The following SLC1A7 variants were observed in gnomAD, a reference collection of about 807,000 sequenced individuals.
SLC1A7 encodes solute carrier family 1 member 7.
Under a neutral mutation model 47.7 loss-of-function variants are expected in SLC1A7, and 40 were observed. That is an observed-to-expected ratio of 0.84 (90% confidence interval 0.65 to 1.09). The LOEUF is 1.09. Among genes scored for constraint, SLC1A7 ranks in the 50% least tolerant of loss-of-function variants. The probability of loss-of-function intolerance (pLI) is 0.00; values close to 1 mark genes in which losing one functional copy is unlikely to be tolerated. For synonymous variants in SLC1A7, 323 were observed against 325.6 expected (o/e 0.99, Z 0.09); for missense variants, 746 against 769.5 (o/e 0.97, Z 0.36).
Position 53,089,792 on chromosome 1 carries a change from C to G in SLC1A7, c.1361+8G>C, listed in dbSNP as rs1557664851. 1 of 1,613,698 alleles carries G rather than the reference C, an allele frequency of 6.2e-7. No individual in the cohort carries two copies. The highest frequency in any genetic ancestry group is 2.2e-5 in the East Asian group (1 of 44,880). On this transcript the variant is annotated splice_region_variant and intron_variant, in intron 9 of 10. Transcript: ENST00000371494. ...AGAGGGCTAGAGCTAGAGGCAAAGT[C>G]CACTCACAGAGCCCAGTCAACGGCA...
At chr1:53,090,917 C>T in intron 7 of SLC1A7, 111 bp from the exon 8 acceptor site, 3 of 1,545,516 alleles carry the variant, frequency 1.9e-6, no homozygotes, top group Non-Finnish European at 2.6e-6. Flanking sequence ...AGTGTTTGTG[C>T]CTCTGCAGCG....
chr1:53,104,544 G>T (rs961028782), intron 4 of SLC1A7, among the ~76,000 whole-genome samples: 2 of 152,234 alleles, frequency 1.3e-5, no homozygotes, highest in African/African-American at 2.4e-5. Context: ...GAGAGTTACA[G>T]AGTAGAGCAA....
chr1:53,100,385 C>T (rs1207837812), intron 5 of SLC1A7, among the ~76,000 whole-genome samples: 1 of 151,758 alleles, frequency 6.6e-6, no homozygotes, highest in Non-Finnish European at 1.5e-5. Context: ...CACCTCGGTA[C>T]ACTCACACAC....
chr1:53,110,741 C>T (rs1386856814), intron 3 of SLC1A7, among the ~76,000 whole-genome samples: 3 of 152,126 alleles, frequency 2.0e-5, no homozygotes, highest in Admixed American at 6.5e-5. Context: ...CCTCTTTCCT[C>T]GTCTTTAGGA....
At position 53,088,106 on chromosome 1, in the gene SLC1A7, TG is replaced by T; in HGVS notation, c.1585del (p.His529ThrfsTer18). On this transcript the variant is annotated frameshift_variant, in exon 11 of 11. Transcript: ENST00000371494. LOFTEE classifies it high-confidence loss of function. ...CTGCTCCACTTGAACGGGGACGTGGTGGGGGCAGGTGGGGCCCAGGGTGAGC... is the reference window on the plus strand; with the variant it reads ...CTGCTCCACTTGAACGGGGACGTGGTGGGGCAGGTGGGGCCCAGGGTGAGC... ...SELTLGPTCPHHVPVQVEQDE... is the reference protein window; with the variant it reads ...SELTLGPTCPXHVPVQVEQDE... 6.2e-7 allele frequency: 1 copy of T among 1,611,982 alleles called. No individual in the cohort carries two copies. The highest frequency in any genetic ancestry group is 1.1e-5 in the South Asian group (1 of 90,662).
chr1:53,137,304 T>A (rs1293339956), intron 1 of SLC1A7, among the ~76,000 whole-genome samples: 1 of 66,762 alleles, frequency 1.5e-5, no homozygotes, highest in South Asian at 3.5e-4. Context: ...AAAAAAGTGC[T>A]CTACTGATAA....
intron 5 of SLC1A7, among the ~76,000 whole-genome samples, chr1:53,095,440 TCA>T (rs1421025202): frequency 1.3e-5 from 2 of 149,638 alleles, no homozygotes; most frequent in Non-Finnish European, 3.0e-5. Context: ...CTTGGTACAC[TCA>T]CACACCCCGC....
intron 9 of SLC1A7, 29 bp downstream of exon 9, chr1:53,089,771 G>A (rs1644398983): frequency 6.2e-7 from 1 of 1,611,956 alleles, no homozygotes; most frequent in Non-Finnish European, 8.5e-7. Flanking sequence ...CCTCCCAGAG[G>A]GCTAGAGCTA....
intron 4 of SLC1A7, among the ~76,000 whole-genome samples, chr1:53,104,415 T>C (rs1644616825): frequency 6.6e-6 from 1 of 152,202 alleles, no homozygotes; most frequent in African/African-American, 2.4e-5. Flanking sequence ...CTGACATGAT[T>C]TCTGCCTTGC....
intron 7 of SLC1A7, 25 bp from the exon 8 acceptor site, chr1:53,090,831 G>T (rs377604214): frequency 6.3e-6 from 10 of 1,588,686 alleles, no homozygotes; most frequent in Non-Finnish European, 7.7e-6. Flanking sequence ...GCCGGTGTCT[G>T]CCCAGCACCC....
intron 2 of SLC1A7, among the ~76,000 whole-genome samples, chr1:53,132,739 G>T (rs557132942): frequency 4.9e-3 from 193 of 39,028 alleles, no homozygotes; most frequent in African/African-American, 9.6e-3. Context: ...CCAGCTACTT[G>T]GGGGGCTGAG....
At chr1:53,120,105 C>A (rs1357200411) in intron 2 of SLC1A7, among the ~76,000 whole-genome samples, 1 of 152,122 alleles carries the variant, frequency 6.6e-6, no homozygotes, top group Non-Finnish European at 1.5e-5. Context: ...GTGGGAAGGC[C>A]CAGCCTGTCT....
intron 2 of SLC1A7, among the ~76,000 whole-genome samples, chr1:53,132,513 A>C (rs1320012326): frequency 6.6e-6 from 1 of 152,106 alleles, no homozygotes; most frequent in African/African-American, 2.4e-5. Flanking sequence ...CAGGAAAAGG[A>C]GGCAGTTTTC....
chr1:53,118,278 C>T (rs140328101), intron 2 of SLC1A7: 2 of 152,300 alleles, frequency 1.3e-5, no homozygotes, highest in East Asian at 1.9e-4. Flanking sequence ...GAGACCAGGT[C>T]GCGTGGACGG....
rs188684918 is a variant in SLC1A7 at position 53,142,276 on chromosome 1, C to T, written c.135+39G>A. ...CCAGATCCCTCAGGCCCACACGCCC[C>T]TCCTGGACAGGGGTCCCGAGATGCT... On this transcript the variant is annotated intron_variant, in intron 1 of 10. Coordinates refer to ENST00000371494, the MANE Select transcript of SLC1A7 (RefSeq NM_006671.6). 77 of 1,545,452 alleles carry T rather than the reference C, an allele frequency of 5.0e-5. No individual in the cohort carries two copies. The Admixed American group carries it at 1.1e-3, about 21-fold the overall frequency.
In SLC1A7 at chr1:53,112,712, T is replaced by C. The variant is rs138561165; in HGVS notation, c.431+2046A>G. 2.8e-3 allele frequency among the ~76,000 whole-genome samples: 426 copies of C among 152,292 alleles called. 3 individuals carry two copies. The highest frequency in any genetic ancestry group is 9.6e-3 in the African/African-American group (401 of 41,558). On this transcript the variant is annotated intron_variant, in intron 3 of 10. Coordinates refer to ENST00000371494, the MANE Select transcript of SLC1A7 (RefSeq NM_006671.6). Reference sequence around the variant, plus strand: ...CCAGCACTTCCAATAGGGATATGTATGCTTCCCATGGGCCAGACATGACCC... The same window carrying C: ...CCAGCACTTCCAATAGGGATATGTACGCTTCCCATGGGCCAGACATGACCC...
chr1:53,126,799 T>C (rs763211136), intron 2 of SLC1A7, among the ~76,000 whole-genome samples: 4 of 152,188 alleles, frequency 2.6e-5, no homozygotes, highest in Non-Finnish European at 5.9e-5. Flanking sequence ...AGTGGCAGAA[T>C]TAGCAATGTG....
rs372121851 is a variant in SLC1A7, at chr1:53,114,805, A to T, written c.384T>A (p.Ser128Arg). The T allele has an allele frequency of 6.2e-7, 1 of 1,613,938 alleles. No individual in the cohort carries two copies. The highest frequency in any genetic ancestry group is 8.5e-7 in the Non-Finnish European group (1 of 1,180,012). Residue 128 changes from serine to arginine, a missense_variant, in exon 3 of 11, where the codon AGT (serine) becomes AGA (arginine). By Grantham distance (110) the Ser-to-Arg change is moderately radical. Transcript: ENST00000371494. ...CGGCTGAGCTCATGATGGGCTTCCC[A>T]CTCTGCTCCGTGGTCTCCTTCTGGG... ...SAAQKETTEQ[S>R]GKPIMSSADA...
intron 2 of SLC1A7, among the ~76,000 whole-genome samples, chr1:53,126,938 C>T (rs1016880555): frequency 6.6e-6 from 1 of 151,848 alleles, no homozygotes; most frequent in Admixed American, 6.6e-5. Flanking sequence ...ACATGGCTCA[C>T]TGCAGGCTCA....
Sources: allele counts gnomAD v4.1 joint callset (sites outside exome capture counted in the v4.1 genomes callset), GRCh38; gene constraint gnomAD v4.1.1; transcripts MANE v1.5; gene names NCBI Gene and HGNC (gene_info 2026-07-23, HGNC 2026-07-21).